Variants in CNIH3 observed in about 807,000 individuals in gnomAD.
CNIH3 encodes cornichon family AMPA receptor auxiliary protein 3.
A neutral mutation model predicts 24.1 loss-of-function variants in CNIH3; 14 were observed. The ratio of observed to expected loss-of-function variants is 0.58; its 90% CI spans 0.38 to 0.91. The LOEUF (loss-of-function observed/expected upper bound fraction) is 0.91, where lower values mean the gene tolerates loss of function less well. Ranked by LOEUF, CNIH3 falls within the 40% of genes least tolerant of loss-of-function variation. The probability of loss-of-function intolerance (pLI) is 0.00; values close to 1 mark genes in which losing one functional copy is unlikely to be tolerated. For synonymous variants in CNIH3, 68 were observed against 73.8 expected (o/e 0.92, Z 0.40); for missense variants, 178 against 196.8 (o/e 0.90, Z 0.57).
intron 1 of CNIH3, among the ~76,000 whole-genome samples, chr1:224,520,795 CAT>C (rs1435142592): frequency 6.6e-6 from 1 of 152,122 alleles, no homozygotes; most frequent in African/African-American, 2.4e-5. Context: ...AAGAGAGGCT[CAT>C]GTGTGTTTAT....
downstream of CNIH3, among the ~76,000 whole-genome samples, chr1:224,541,957 T>C (rs1226472210): frequency 6.6e-6 from 1 of 152,222 alleles, no homozygotes; most frequent in East Asian, 1.9e-4. Context: ...GTTTAGATAA[T>C]ACTTTTCAGA....
Position 224,574,935 on chromosome 1 carries a change from C to T in CNIH3, n.517-8229C>T. On this transcript the variant is annotated intron_variant and non_coding_transcript_variant, in intron 4 of 5. Coordinates refer to the CNIH3 transcript ENST00000471578. The stretch of plus-strand genomic sequence containing the variant: ...TGGCATCTCCAACTTCAACCATCTC[C>T]AGGTTGAGAGGATCTTAAACAAACC... The T allele has an allele frequency of 3.2e-6, 3 of 945,832 alleles. No homozygotes were observed. In the Admixed American group the frequency reaches 5.1e-5, roughly 16 times the overall value. The allele number at this position is 945,832 out of a possible 1,614,324, so 58.6% of individuals were successfully genotyped here. A position where few individuals can be genotyped will look rare whatever the true frequency, so the allele number is the denominator to read the frequency against.
At chr1:224,683,602 T>G (rs1686506936) in intron 2 of CNIH3, among the ~76,000 whole-genome samples, 1 of 152,248 alleles carries the variant, frequency 6.6e-6, no homozygotes, top group Non-Finnish European at 1.5e-5. Flanking sequence ...GAGGCCCATT[T>G]GGATTTAAGA....
chr1:224,459,467 C>T (rs1338850948), intron 1 of CNIH3, among the ~76,000 whole-genome samples: 1 of 152,154 alleles, frequency 6.6e-6, no homozygotes, highest in Non-Finnish European at 1.5e-5. Context: ...GGCAAAGGGG[C>T]AAATACCTCT....
chr1:224,611,028 C>T (rs1682669861), intron 3 of CNIH3, among the ~76,000 whole-genome samples: 1 of 152,186 alleles, frequency 6.6e-6, no homozygotes. Flanking sequence ...AACCCCCCTT[C>T]CTTTGCCTTT....
chr1:224,548,488 T>C (rs1439064601), intron 3 of CNIH3, among the ~76,000 whole-genome samples: 1 of 151,792 alleles, frequency 6.6e-6, no homozygotes, highest in East Asian at 1.9e-4. Context: ...ACAGTGGGTA[T>C]ATACCCTCTG....
intron 2 of CNIH3, among the ~76,000 whole-genome samples, chr1:224,526,395 C>T (rs889873085): frequency 6.6e-6 from 1 of 152,096 alleles, no homozygotes; most frequent in Non-Finnish European, 1.5e-5. Flanking sequence ...TTTTTTCCCC[C>T]TTTGTGCCAT....
At chr1:224,709,419 A>G (rs1256386530) in intron 3 of CNIH3, among the ~76,000 whole-genome samples, 1 of 152,228 alleles carries the variant, frequency 6.6e-6, no homozygotes, top group African/African-American at 2.4e-5. Context: ...AATTGAGAAC[A>G]GACATAAGAG....
At chr1:224,489,491 C>T (rs890696626) in intron 1 of CNIH3, among the ~76,000 whole-genome samples, 11 of 152,160 alleles carry the variant, frequency 7.2e-5, no homozygotes, top group Admixed American at 3.9e-4. Context: ...GGATAAAAGC[C>T]GTAAAAATGG....
At chr1:224,659,929 A>T (rs12030079) in intron 1 of CNIH3, among the ~76,000 whole-genome samples, 26,899 of 152,222 alleles carry the variant, frequency 0.18, 2,538 homozygotes, top group African/African-American at 0.23. Context: ...AAGAAACAGT[A>T]TAGTATCAAA....
intron 1 of CNIH3, among the ~76,000 whole-genome samples, chr1:224,449,933 T>G (rs1675320937): frequency 6.6e-6 from 1 of 151,726 alleles, no homozygotes; most frequent in Non-Finnish European, 1.5e-5. Context: ...ATTCTTCCAT[T>G]CATCCAAACC....
Position 224,704,217 on chromosome 1 carries a change from A to G in CNIH3, c.198+19374A>G, listed in dbSNP as rs1001421004. Among the ~76,000 whole-genome samples the G allele has an allele frequency of 2.0e-5, 3 of 151,944 alleles. No homozygotes were observed. The highest frequency in any genetic ancestry group is 7.3e-5 in the African/African-American group (3 of 41,222). The stretch of plus-strand genomic sequence containing the variant: ...CTCCATGAGTCTCAGGTCATCAAAG[A>G]GGAGTGGAGACACAGCCCCTTCTCT... On this transcript the variant is annotated intron_variant, in intron 3 of 5. Transcript: ENST00000272133. This position sits in a 1 kb window ranked among gnomAD's most constrained non-coding sequence, Gnocchi z 4.2.
intron 2 of CNIH3, among the ~76,000 whole-genome samples, chr1:224,524,510 T>C (rs1678769256): frequency 6.6e-6 from 1 of 152,234 alleles, no homozygotes; most frequent in Admixed American, 6.5e-5. Context: ...TAGATATCTG[T>C]ATGACCTTGA....
chr1:224,548,003 C>T (rs1679769191), intron 3 of CNIH3, among the ~76,000 whole-genome samples: 1 of 151,728 alleles, frequency 6.6e-6, no homozygotes, highest in Admixed American at 6.6e-5. Flanking sequence ...GATATTACTC[C>T]TAATATCACA....
chr1:224,667,638 C>G (rs899136147), intron 1 of CNIH3, among the ~76,000 whole-genome samples: 4 of 152,026 alleles, frequency 2.6e-5, no homozygotes, highest in Non-Finnish European at 4.4e-5. Context: ...AGACTGCAAA[C>G]GCTAGAAAGC....
intron 5 of CNIH3, among the ~76,000 whole-genome samples, chr1:224,586,854 G>A (rs1257358879): frequency 2.6e-5 from 4 of 152,186 alleles, no homozygotes; most frequent in Admixed American, 1.3e-4. Flanking sequence ...AGAGATTGGA[G>A]TGATGCTGCC....
intron 5 of CNIH3, among the ~76,000 whole-genome samples, chr1:224,737,018 T>C (rs1428402189): frequency 6.6e-6 from 1 of 152,200 alleles, no homozygotes; most frequent in African/African-American, 2.4e-5. Flanking sequence ...CTGTCTCTCC[T>C]CTAAGCCAAC....
intron 1 of CNIH3, among the ~76,000 whole-genome samples, chr1:224,436,197 G>A (rs1181762493): frequency 6.6e-6 from 1 of 152,124 alleles, no homozygotes; most frequent in Non-Finnish European, 1.5e-5. Flanking sequence ...CTCACATACA[G>A]TGTTTATATT....
intron 1 of CNIH3, among the ~76,000 whole-genome samples, chr1:224,677,816 G>C (rs907189226): frequency 2.6e-5 from 4 of 152,212 alleles, no homozygotes; most frequent in Admixed American, 2.6e-4. Flanking sequence ...TGGGGGCTTG[G>C]CTCCCTTTCC....
Sources: allele counts gnomAD v4.1 joint callset (sites outside exome capture counted in the v4.1 genomes callset), GRCh38; gene constraint gnomAD v4.1.1; non-coding constraint Gnocchi (gnomAD v3.1); transcripts MANE v1.5; gene names NCBI Gene and HGNC (gene_info 2026-07-23, HGNC 2026-07-21).